CD101: variants seen among roughly 807,000 people sequenced by gnomAD.
CD101 encodes the protein CD101 molecule, also known as immunoglobulin superfamily member 2.
CD101 carries 76 observed loss-of-function variants against 98.2 expected under a neutral mutation model. The ratio of observed to expected loss-of-function variants is 0.77; its 90% CI spans 0.64 to 0.94. The LOEUF (loss-of-function observed/expected upper bound fraction) is 0.94. Ranked by LOEUF, CD101 falls within the 40% of genes least tolerant of loss-of-function variation. The pLI is 0.00. For synonymous variants in CD101, 471 were observed against 472.7 expected (o/e 1.00, Z 0.05); for missense variants, 1,145 against 1,218.8 (o/e 0.94, Z 0.90).
In CD101 at chr1:117,004,475, T is replaced by C. The variant is rs1652418853; in HGVS notation, c.43+2615T>C. Among the ~76,000 whole-genome samples, 1 of 152,170 alleles carries C rather than the reference T, an allele frequency of 6.6e-6. No homozygotes were observed. Among genetic ancestry groups the C allele is most frequent in the Non-Finnish European group, 1.5e-5 (1 of 68,034 alleles). On this transcript the variant is annotated intron_variant, in intron 1 of 9. Coordinates refer to ENST00000682167, the MANE Select transcript of CD101 (RefSeq NM_001256106.3). The surrounding 1 kb of genome is among the most constrained non-coding windows in gnomAD (Gnocchi z 4.1). ...CAGTGATATTTTTAAAGAAAGTCAA[T>C]ACCATCGAGGAATTTTTGGTGTTTT... is the stretch of plus-strand genomic sequence containing the variant.
At position 117,017,304 on chromosome 1, in the gene CD101, T is replaced by C. The variant is rs1289261238; in HGVS notation, c.1443T>C (p.His481=). The part of the protein sequence containing the change: ...LGASYGVPSY[H]GNTRLEKMDW... Reference sequence around the variant, plus strand: ...CCTCCTATGGGGTACCCAGTTACCATGGCAACACAAGGCTGGAGAAAATGG... The same window carrying C: ...CCTCCTATGGGGTACCCAGTTACCACGGCAACACAAGGCTGGAGAAAATGG... Residue 481 remains histidine, a synonymous_variant, in exon 5 of 10, where the codon CAT becomes CAC. Coordinates refer to ENST00000682167, the MANE Select transcript of CD101 (RefSeq NM_001256106.3). 3 of 1,614,100 alleles carry C rather than the reference T, an allele frequency of 1.9e-6. No individual in the cohort carries two copies. The highest frequency in any genetic ancestry group is 2.7e-5 in the African/African-American group (2 of 74,926).
chr1:117,020,588 C>CAGCTGCACAT lies in CD101; in HGVS notation c.2018-985_2018-984insAGCTGCACAT, dbSNP rs1230422466. On this transcript the variant is annotated intron_variant, in intron 6 of 9. Coordinates refer to ENST00000682167, the MANE Select transcript of CD101 (RefSeq NM_001256106.3). ...AAAATCTCACACTTGAGAAAGGTTTCTCAAGAGTTATTTCAGCTGCACATT... is the reference window on the plus strand; with the variant it reads ...AAAATCTCACACTTGAGAAAGGTTTCAGCTGCACATTCAAGAGTTATTTCAGCTGCACATT... Among the ~76,000 whole-genome samples the CAGCTGCACAT allele has an allele frequency of 2.0e-5, 3 of 152,326 alleles. No individual in the cohort carries two copies. The East Asian group carries it at 5.8e-4, about 29-fold the overall frequency.
rs762718381 is a variant in CD101 at position 117,006,363 on chromosome 1, A to G, written c.44-3487A>G. The stretch of plus-strand genomic sequence containing the variant: ...TCTAACTTCCATCATTCTGCACACA[A>G]ACTGTGAGGTTCATTTTCCTAAAAC... On this transcript the variant is annotated intron_variant, in intron 1 of 9. Transcript: ENST00000682167. The surrounding 1 kb of genome is among the most constrained non-coding windows in gnomAD (Gnocchi z 4.4). Among the ~76,000 whole-genome samples the G allele has an allele frequency of 2.6e-5, 4 of 152,128 alleles. No homozygotes were observed. Among genetic ancestry groups the G allele is most frequent in the African/African-American group, 7.2e-5 (3 of 41,394 alleles).
chr1:117,007,766 A>G (rs1652624114), intron 1 of CD101, among the ~76,000 whole-genome samples: 1 of 152,244 alleles, frequency 6.6e-6, no homozygotes, highest in Non-Finnish European at 1.5e-5. Context: ...ATATAGTCAC[A>G]AGGATTCAGA....
At position 117,004,657 on chromosome 1, in the gene CD101, A is replaced by G. The variant is rs1305829242; in HGVS notation, c.43+2797A>G. On this transcript the variant is annotated intron_variant, in intron 1 of 9. Transcript: ENST00000682167. The surrounding 1 kb of genome is among the most constrained non-coding windows in gnomAD (Gnocchi z 4.1). ...AGGTGTTTTTCGGAGGGTGGATGAT[A>G]TGTACTTGAAAAAACCCAGAGAGAA... is the stretch of plus-strand genomic sequence containing the variant. 6.6e-6 allele frequency among the ~76,000 whole-genome samples: 1 copy of G among 152,180 alleles called. No individual in the cohort carries two copies. Among genetic ancestry groups the G allele is most frequent in the Non-Finnish European group, 1.5e-5 (1 of 68,040 alleles).
At position 117,004,534 on chromosome 1, in the gene CD101, C is replaced by A. The variant is rs1431759105; in HGVS notation, c.43+2674C>A. Among the ~76,000 whole-genome samples, 1 of 152,032 alleles carries A rather than the reference C, an allele frequency of 6.6e-6. No individual in the cohort carries two copies. The highest frequency in any genetic ancestry group is 1.5e-5 in the Non-Finnish European group (1 of 68,026). On this transcript the variant is annotated intron_variant, in intron 1 of 9. Coordinates refer to ENST00000682167, the MANE Select transcript of CD101 (RefSeq NM_001256106.3). The surrounding 1 kb of genome is among the most constrained non-coding windows in gnomAD (Gnocchi z 4.1). ...GATTCTAATGTTAGTATGTCAGTGC[C>A]AAGCTTTGTACTCATCAGCCAACAA...
rs867468641 is a variant in CD101, at chr1:117,029,213, A to G, written c.2824+3309A>G. On this transcript the variant is annotated intron_variant, in intron 8 of 9. Coordinates refer to ENST00000682167, the MANE Select transcript of CD101 (RefSeq NM_001256106.3). ...AAAGAAAGAAAGAAAGAAAAGAAAG[A>G]AAAGAAAGAAAGAAAGAAAGAAAGA... Among the ~76,000 whole-genome samples the G allele has an allele frequency of 5.5e-3, 393 of 71,788 alleles. 29 individuals are homozygous for G. Among genetic ancestry groups the G allele is most frequent in the East Asian group, 8.9e-3 (22 of 2,466 alleles). 47.1% of individuals were successfully genotyped at this position (71,788 alleles called of 152,430 possible).
chr1:117,024,096 T>C (rs1207809385), intron 7 of CD101, among the ~76,000 whole-genome samples: 3 of 152,248 alleles, frequency 2.0e-5, no homozygotes, highest in Non-Finnish European at 1.5e-5. Context: ...TTCCACGTGC[T>C]ACTCCATGAA....
At position 117,011,956 on chromosome 1, in the gene CD101, C is replaced by T. The variant is rs1433993264; in HGVS notation, c.831C>T (p.Ile277=). ...AGACCGATCAAACCACTCTGAGGAT[C>T]CAGCCAGCAGGTAATTATCTTCCTA... The part of the protein sequence containing the change: ...KKQTDQTTLR[I]QPAVKDFQVN... The change falls in exon 3 of 10, where the codon ATC becomes ATT. Residue 277 remains isoleucine, a synonymous_variant. Transcript: ENST00000682167. 6.2e-7 allele frequency: 1 copy of T among 1,610,924 alleles called. No homozygotes were observed. The highest frequency in any genetic ancestry group is 8.5e-7 in the Non-Finnish European group (1 of 1,177,566).
At chr1:117,001,936 C>A in intron 1 of CD101, 76 bp downstream of exon 1, 1 of 1,405,026 alleles carries the variant, frequency 7.1e-7, no homozygotes, top group Non-Finnish European at 1.0e-6. Context: ...TGGAACAGGA[C>A]AATTTGGTCT....
chr1:117,006,938 G>C lies in CD101; in HGVS notation c.44-2912G>C, dbSNP rs1652569829. On this transcript the variant is annotated intron_variant, in intron 1 of 9. Transcript: ENST00000682167. This position sits in a 1 kb window ranked among gnomAD's most constrained non-coding sequence, Gnocchi z 4.4. ...TAAAGCAGTAGAAAAAGAAGTGCGT[G>C]TTTTCACAATAAAAATTTTCAAACG... Among the ~76,000 whole-genome samples the C allele has an allele frequency of 1.3e-5, 2 of 152,086 alleles. No homozygotes were observed. The highest frequency in any genetic ancestry group is 2.9e-5 in the Non-Finnish European group (2 of 68,002).
chr1:117,029,018 T>C (rs1449830546), intron 8 of CD101, among the ~76,000 whole-genome samples: 1 of 151,234 alleles, frequency 6.6e-6, no homozygotes, highest in Non-Finnish European at 1.5e-5. Context: ...ATTTATGTTT[T>C]AGAGGGGAGA....
intron 7 of CD101, among the ~76,000 whole-genome samples, chr1:117,024,113 G>C (rs1222659208): frequency 1.3e-5 from 2 of 152,182 alleles, no homozygotes; most frequent in Admixed American, 1.3e-4. Flanking sequence ...TGAAGGAAAG[G>C]GGAGAGTAAA....
chr1:117,003,213 C>T lies in CD101; in HGVS notation c.43+1353C>T, dbSNP rs148682462. Among the ~76,000 whole-genome samples, 943 of 152,284 alleles carry T rather than the reference C, an allele frequency of 6.2e-3. 10 individuals are homozygous for T. The highest frequency in any genetic ancestry group is 0.016 in the Admixed American group (238 of 15,280). ...GGAGCCAGTGCAGGGACCCGAATGG[C>T]TGGGATGATTGGGGAACTAAACCAA... On this transcript the variant is annotated intron_variant, in intron 1 of 9. Coordinates refer to ENST00000682167, the MANE Select transcript of CD101 (RefSeq NM_001256106.3).
intron 9 of CD101, among the ~76,000 whole-genome samples, chr1:117,035,062 CCTATT>C (rs67722240): frequency 0.058 from 8,861 of 152,190 alleles, 308 homozygotes; most frequent in East Asian, 0.12. Context: ...CTCAAGGTCT[CCTATT>C]CTCAGTAGCA....
At position 117,022,166 on chromosome 1, in the gene CD101, C is replaced by T. The variant is rs750085104; in HGVS notation, c.2428+183C>T. 4.6e-5 allele frequency among the ~76,000 whole-genome samples: 7 copies of T among 152,162 alleles called. No homozygotes were observed. The highest frequency in any genetic ancestry group is 1.0e-4 in the Non-Finnish European group (7 of 68,028). Reference sequence around the variant, plus strand: ...CCAAAGGAGGGGAGGTCACTTAAGGCAATCCAATCTGAGGTTTTGGGGAGC... The same window carrying T: ...CCAAAGGAGGGGAGGTCACTTAAGGTAATCCAATCTGAGGTTTTGGGGAGC... On this transcript the variant is annotated intron_variant, in intron 7 of 9. Transcript: ENST00000682167. This position sits in a 1 kb window ranked among gnomAD's most constrained non-coding sequence, Gnocchi z 4.8.
At position 117,018,058 on chromosome 1, in the gene CD101, A is replaced by G. The variant is rs562142381; in HGVS notation, c.1613-98A>G. 3.9e-6 allele frequency: 4 copies of G among 1,021,652 alleles called. No homozygotes were observed. Among genetic ancestry groups the G allele is most frequent in the East Asian group, 5.2e-5 (2 of 38,122 alleles). 63.3% of individuals were successfully genotyped at this position (1,021,652 alleles called of 1,614,324 possible). A position where few individuals can be genotyped will look rare whatever the true frequency, so the allele number is the denominator to read the frequency against. ...TAGGAAACTCCAAATGTACAAATGC[A>G]TGGTCCTAGTCAAAGAGGTGGCAAC... On this transcript the variant is annotated intron_variant, in intron 5 of 9. Transcript: ENST00000682167. This position sits in a 1 kb window ranked among gnomAD's most constrained non-coding sequence, Gnocchi z 4.3.
intron 8 of CD101, among the ~76,000 whole-genome samples, chr1:117,031,034 C>T (rs574711781): frequency 1.3e-5 from 2 of 152,226 alleles, no homozygotes; most frequent in Non-Finnish European, 2.9e-5. Flanking sequence ...AAATGCCAAA[C>T]CTTAATGGTT....
intron 6 of CD101, among the ~76,000 whole-genome samples, chr1:117,020,117 T>C (rs1653486945): frequency 6.6e-6 from 1 of 152,054 alleles, no homozygotes. Flanking sequence ...TATAAACCCT[T>C]AAGACTCAGC....
Sources: allele counts gnomAD v4.1 joint callset (sites outside exome capture counted in the v4.1 genomes callset), GRCh38; gene constraint gnomAD v4.1.1; non-coding constraint Gnocchi (gnomAD v3.1); transcripts MANE v1.5; gene names NCBI Gene and HGNC (gene_info 2026-07-23, HGNC 2026-07-21).